RPL31: variants seen among roughly 807,000 people sequenced by gnomAD.
RPL31 encodes ribosomal protein L31.
For synonymous variants in RPL31, 51 were observed against 55.0 expected, an observed-to-expected ratio of 0.93 and a Z score of 0.32; for missense variants, 95 against 164.0, an observed-to-expected ratio of 0.58 and a Z score of 2.30.
At chr2:101,008,222 G>C (rs747507427), downstream of RPL31, 6 of 1,601,006 alleles carry the variant, frequency 3.7e-6, no homozygotes, top group South Asian at 5.6e-5. Flanking sequence ...TTTTCTTCTG[G>C]ATCTTCATGG....
intron 3 of RPL31, chr2:101,004,640 A>G (rs1682418531): frequency 3.5e-6 from 1 of 289,086 alleles, no homozygotes; most frequent in Non-Finnish European, 6.3e-6. Flanking sequence ...ACATCATGGC[A>G]AGTCCACCAG....
downstream of RPL31, chr2:101,007,945 T>G: frequency 6.2e-7 from 1 of 1,614,024 alleles, no homozygotes; most frequent in Non-Finnish European, 8.5e-7. Context: ...TTCAAAAAAG[T>G]TGACTAATGA....
chr2:101,004,353 C>G, intron 3 of RPL31, 70 bp downstream of exon 3: 8 of 1,544,834 alleles, frequency 5.2e-6, no homozygotes, highest in East Asian at 4.5e-5. Flanking sequence ...CCTGCAAGAG[C>G]CCATATCAGT....
At chr2:101,002,968 C>T (rs557185990) in intron 2 of RPL31, among the ~76,000 whole-genome samples, 160 bp downstream of exon 2, 3 of 152,258 alleles carry the variant, frequency 2.0e-5, no homozygotes, top group East Asian at 3.9e-4. Context: ...CCTCCGAATA[C>T]ATTCACAGTC....
intron 4 of RPL31, among the ~76,000 whole-genome samples, chr2:101,017,343 ACATT>A (rs779266836): frequency 1.8e-4 from 27 of 152,166 alleles, no homozygotes; most frequent in Non-Finnish European, 1.0e-4. Context: ...TAAACCAATA[ACATT>A]CATTATCATT....
intron 4 of RPL31, among the ~76,000 whole-genome samples, chr2:101,016,793 A>T (rs1219410100): frequency 1.3e-5 from 2 of 152,154 alleles, no homozygotes; most frequent in East Asian, 3.8e-4. Context: ...ATGAAATTGG[A>T]AATCATCATT....
At chr2:101,010,822 C>T (rs1347011006), downstream of RPL31, 21 of 838,770 alleles carry the variant, frequency 2.5e-5, no homozygotes, top group Admixed American at 9.9e-5. Context: ...GTGGAGGTTG[C>T]AGTGGGCTGA....
In RPL31 at chr2:101,002,684, C is replaced by T. The variant is rs187049395; in HGVS notation, c.1-18C>T. 1.2e-5 allele frequency: 20 copies of T among 1,602,548 alleles called. No homozygotes were observed. Among genetic ancestry groups the T allele is most frequent in the Non-Finnish European group, 1.7e-5 (20 of 1,169,748 alleles). ...CTTGTTAAACTCTGCTCTGAGCCTC[C>T]TTGTCGCCTGCATTTAGATGGCTCC... is the stretch of plus-strand genomic sequence containing the variant. On this transcript the variant is annotated intron_variant, in intron 1 of 4. Transcript: ENST00000264258.
exon 5 of RPL31, chr2:101,019,605 T>G (rs915075927): frequency 6.6e-6 from 1 of 152,652 alleles, no homozygotes; most frequent in Non-Finnish European, 1.5e-5. Context: ...GAACTTGATT[T>G]AAATTCAGAG....
chr2:101,006,938 T>TAAA lies in RPL31; in HGVS notation c.*560_*562dup, dbSNP rs1169304211. ...GGTACCTGGAGTCAAGGTTCAGAAG[T>TAAA]AAAAAGTTCCTTAAGGTATCAATAA... On this transcript the variant is annotated 3_prime_UTR_variant, in exon 5 of 5. Coordinates refer to ENST00000264258, the MANE Select transcript of RPL31 (RefSeq NM_000993.5). 6.6e-6 allele frequency: 1 copy of TAAA among 152,278 alleles called. No homozygotes were observed. Among genetic ancestry groups the TAAA allele is most frequent in the Non-Finnish European group, 1.5e-5 (1 of 68,096 alleles). 9.4% of individuals were successfully genotyped at this position (152,278 alleles called of 1,614,324 possible).
downstream of RPL31, chr2:101,008,340 A>C: frequency 1.6e-6 from 2 of 1,269,614 alleles, no homozygotes; most frequent in Non-Finnish European, 2.1e-6. Flanking sequence ...TTTTTTAAAC[A>C]TACCTGTGAG....
At chr2:101,007,701 T>A, downstream of RPL31, 1 of 1,027,984 alleles carries the variant, frequency 9.7e-7, no homozygotes, top group Non-Finnish European at 1.4e-6. Context: ...GTCAGGTTGT[T>A]TAGCCAGATG....
At chr2:101,007,656 C>T (rs777943855), downstream of RPL31, 218 of 683,186 alleles carry the variant, frequency 3.2e-4, no homozygotes, top group Non-Finnish European at 4.5e-4. Context: ...CATAGAAATG[C>T]TTGAGGGTTG....
chr2:101,007,837 T>C, downstream of RPL31: 1 of 1,613,780 alleles, frequency 6.2e-7, no homozygotes, highest in Non-Finnish European at 8.5e-7. Context: ...GTTACTCAGC[T>C]TAAGTTCAGA....
intron 4 of RPL31, among the ~76,000 whole-genome samples, chr2:101,016,552 G>C (rs1377886284): frequency 6.6e-6 from 1 of 152,140 alleles, no homozygotes; most frequent in East Asian, 1.9e-4. Flanking sequence ...AATACCATTT[G>C]ACCCAGCCAT....
chr2:101,008,079 A>G, downstream of RPL31: 2 of 1,613,978 alleles, frequency 1.2e-6, no homozygotes, highest in East Asian at 2.2e-5. Flanking sequence ...CCGAGTCCTC[A>G]GGAGAAGGAG....
At chr2:101,008,174 G>GCACCA (rs1558962204), downstream of RPL31, 1 of 1,613,762 alleles carries the variant, frequency 6.2e-7, no homozygotes. Context: ...ATCTGCAGCA[G>GCACCA]CAGTGTGGTG....
chr2:101,009,728 G>GA (rs986817597), downstream of RPL31, among the ~76,000 whole-genome samples: 8 of 149,398 alleles, frequency 5.4e-5, no homozygotes, highest in East Asian at 1.9e-4. Flanking sequence ...GTGGTCAAAA[G>GA]AAAAAAAAGA....
downstream of RPL31, chr2:101,011,479 C>T (rs372947984): frequency 6.8e-6 from 11 of 1,613,604 alleles, no homozygotes; most frequent in African/African-American, 1.1e-4. Context: ...CCAGGGGTCT[C>T]GATGTTGACA....
Sources: gnomAD v4.1 joint callset for allele counts (sites outside exome capture counted in the v4.1 genomes callset) on GRCh38, gnomAD v4.1.1 for gene constraint, MANE v1.5 for transcripts, NCBI Gene and HGNC (gene_info 2026-07-23, HGNC 2026-07-21) for gene names.